Variants in PREX1 observed in about 807,000 individuals in gnomAD.
PREX1 encodes phosphatidylinositol-3,4,5-trisphosphate dependent Rac exchange factor 1.
PREX1 carries 41 observed loss-of-function variants against 198.3 expected under a neutral mutation model. The observed-to-expected ratio is 0.21, with a 90% CI of 0.16 to 0.27. PREX1 has a LOEUF of 0.27. Among genes scored for constraint, PREX1 ranks in the 10% least tolerant of loss-of-function variants. The pLI is 1.00. For missense variants in PREX1, 1,620 were observed against 2,200.7 expected, an observed-to-expected ratio of 0.74 and a Z score of 5.28; for synonymous variants, 843 against 887.2, an observed-to-expected ratio of 0.95 and a Z score of 0.89.
At chr20:48,773,346 A>G (rs1214797784) in intron 1 of PREX1, among the ~76,000 whole-genome samples, 1 of 151,592 alleles carries the variant, frequency 6.6e-6, no homozygotes, top group Non-Finnish European at 1.5e-5. Context: ...TCATCCTGGC[A>G]TCTAGCTACC....
intron 4 of PREX1, among the ~76,000 whole-genome samples, chr20:48,731,763 C>G (rs888023791): frequency 6.6e-6 from 1 of 152,212 alleles, no homozygotes; most frequent in South Asian, 2.1e-4. Context: ...GTGCTGGCAC[C>G]CCACGCATCC....
At chr20:48,679,247 GC>G in intron 13 of PREX1, 112 bp downstream of exon 13, 1 of 887,960 alleles carries the variant, frequency 1.1e-6, no homozygotes, top group South Asian at 1.5e-5. Context: ...GCCACTGCAA[GC>G]CCCATTTAAT....
Position 48,786,188 on chromosome 20 carries a change from A to G in PREX1, c.220-38308T>C, listed in dbSNP as rs181836604. Among the ~76,000 whole-genome samples the G allele has an allele frequency of 4.2e-3, 630 of 148,676 alleles. 3 individuals are homozygous for G. The highest frequency in any genetic ancestry group is 0.017 in the Middle Eastern group (5 of 290). On this transcript the variant is annotated intron_variant, in intron 1 of 39. Coordinates refer to ENST00000371941, the MANE Select transcript of PREX1 (RefSeq NM_020820.4). ...CTAGGCCTGAACAAAACTCCCTGGG[A>G]GGGGTCCTGGTGGCATGCTGGGGGC...
chr20:48,869,789 A>T, the PREX1 span, among the ~76,000 whole-genome samples: 1 of 152,118 alleles, frequency 6.6e-6, no homozygotes, highest in Non-Finnish European at 1.5e-5. Flanking sequence ...GTGGGAGTTG[A>T]ACAACAAGAA....
chr20:48,864,699 A>G, the PREX1 span, among the ~76,000 whole-genome samples: 18 of 152,346 alleles, frequency 1.2e-4, 1 homozygote, highest in Admixed American at 3.3e-4. Context: ...GGTTAGGGAC[A>G]GAGCCCAGCT....
chr20:48,704,232 G>A (rs6095245), intron 6 of PREX1, among the ~76,000 whole-genome samples: 25 of 152,110 alleles, frequency 1.6e-4, no homozygotes, highest in African/African-American at 4.1e-4. Flanking sequence ...CCACTCCCCC[G>A]ACCTGCTCAC....
At chr20:48,649,945 T>C (rs377412661) in intron 24 of PREX1, 51 bp downstream of exon 24, 220 of 1,593,464 alleles carry the variant, frequency 1.4e-4, no homozygotes, top group Non-Finnish European at 1.8e-4. Context: ...TTGGTTTAAG[T>C]ATCTGGAGTG....
upstream of PREX1, among the ~76,000 whole-genome samples, chr20:48,832,228 T>C (rs566829458): frequency 6.6e-6 from 1 of 152,222 alleles, no homozygotes; most frequent in African/African-American, 2.4e-5. Context: ...TTGCAAATAG[T>C]GGGAAATACC....
the PREX1 span, among the ~76,000 whole-genome samples, chr20:48,880,981 T>TAAAAAAA: frequency 5.0e-3 from 105 of 20,994 alleles, 13 homozygotes; most frequent in African/African-American, 0.026. Flanking sequence ...AAACCATTGC[T>TAAAAAAA]AAAAAAAAAA....
At chr20:48,685,789 A>G (rs189756690) in intron 10 of PREX1, among the ~76,000 whole-genome samples, 2 of 152,294 alleles carry the variant, frequency 1.3e-5, no homozygotes, top group African/African-American at 4.8e-5. Context: ...AGTCTCAGCT[A>G]CTCAGGAGGC....
chr20:48,804,668 T>C (rs1278039933), intron 1 of PREX1, among the ~76,000 whole-genome samples: 1 of 152,104 alleles, frequency 6.6e-6, no homozygotes, highest in African/African-American at 2.4e-5. Flanking sequence ...GGTGGAAGCA[T>C]GGGACAAGGG....
chr20:48,837,380 T>C, the PREX1 span, among the ~76,000 whole-genome samples: 1 of 152,200 alleles, frequency 6.6e-6, no homozygotes, highest in South Asian at 2.1e-4. Context: ...CGTATGTTCA[T>C]TTCAGCACTG....
intron 6 of PREX1, 42 bp downstream of exon 6, chr20:48,708,218 G>T (rs1277068157): frequency 3.7e-6 from 6 of 1,602,402 alleles, no homozygotes; most frequent in Non-Finnish European, 5.1e-6. Flanking sequence ...GCACCTCCTG[G>T]CCCCCTGCGG....
At position 48,624,415 on chromosome 20, in the gene PREX1, AAG is replaced by A. The variant is rs2089253109; in HGVS notation, c.*1468_*1469del. On this transcript the variant is annotated 3_prime_UTR_variant, in exon 40 of 40. Coordinates refer to ENST00000371941, the MANE Select transcript of PREX1 (RefSeq NM_020820.4). ...GCGGGTCCTCCTTTGTCTCTGATGC[AAG>A]ATACAGTGACAAGGCCACTGCCTGC... The A allele has an allele frequency of 6.5e-6, 1 of 152,678 alleles. No homozygotes were observed. Among genetic ancestry groups the A allele is most frequent in the Non-Finnish European group, 1.5e-5 (1 of 68,046 alleles). 9.5% of individuals were successfully genotyped at this position (152,678 alleles called of 1,614,324 possible).
intron 4 of PREX1, among the ~76,000 whole-genome samples, chr20:48,727,783 C>T (rs1465519869): frequency 6.6e-6 from 1 of 152,194 alleles, no homozygotes; most frequent in Non-Finnish European, 1.5e-5. Flanking sequence ...CCAACCTGCT[C>T]TCAATTCCCA....
rs150799724 is a variant in PREX1, at chr20:48,650,036, A to G, written c.2988T>C (p.Phe996=). The G allele has an allele frequency of 6.1e-5, 99 of 1,614,142 alleles. No individual in the cohort carries two copies. Among genetic ancestry groups the G allele is most frequent in the Middle Eastern group, 3.3e-4 (2 of 6,084 alleles). Residue 996 remains phenylalanine, a synonymous_variant, in exon 24 of 40, where the codon TTT becomes TTC. Coordinates refer to ENST00000371941, the MANE Select transcript of PREX1 (RefSeq NM_020820.4). Reference sequence around the variant, plus strand: ...GGCCGATGAGGGAGGGTTTGCGTCCAAAGCGGATGCTGAAGGACCTGCCCA... The same window carrying G: ...GGCCGATGAGGGAGGGTTTGCGTCCGAAGCGGATGCTGAAGGACCTGCCCA... ...PSVGRSFSIR[F]GRKPSLIGLD...
chr20:48,751,353 C>G (rs4809725), intron 1 of PREX1, among the ~76,000 whole-genome samples: 1 of 152,044 alleles, frequency 6.6e-6, no homozygotes, highest in Non-Finnish European at 1.5e-5. Context: ...CTGGGAGTGC[C>G]GCACTCCGCT....
chr20:48,863,830 G>C, the PREX1 span, among the ~76,000 whole-genome samples: 2 of 152,022 alleles, frequency 1.3e-5, no homozygotes, highest in African/African-American at 4.8e-5. Context: ...TGATCTGCCT[G>C]CCTTGGCTTC....
At chr20:48,813,978 G>A (rs1311223669) in intron 1 of PREX1, among the ~76,000 whole-genome samples, 6 of 152,216 alleles carry the variant, frequency 3.9e-5, no homozygotes, top group Non-Finnish European at 8.8e-5. Flanking sequence ...CCAATCAACA[G>A]CTTGGTGGGC....
Sources: allele counts gnomAD v4.1 joint callset (sites outside exome capture counted in the v4.1 genomes callset), GRCh38; gene constraint gnomAD v4.1.1; transcripts MANE v1.5; gene names NCBI Gene and HGNC (gene_info 2026-07-23, HGNC 2026-07-21).